Variants in PMEPA1 observed in about 807,000 individuals in gnomAD.
The protein encoded by PMEPA1 is protein TMEPAI.
PMEPA1 carries 11 observed loss-of-function variants against 23.0 expected under a neutral mutation model. The observed-to-expected ratio is 0.48, with a 90% CI of 0.30 to 0.79. PMEPA1 has a LOEUF of 0.79. Ranked by LOEUF, PMEPA1 falls within the 30% of genes least tolerant of loss-of-function variation. PMEPA1 has a pLI of 0.06. For missense variants in PMEPA1, 377 were observed against 390.9 expected, an observed-to-expected ratio of 0.96 and a Z score of 0.30; for synonymous variants, 204 against 166.4, an observed-to-expected ratio of 1.23 and a Z score of -1.74.
At chr20:57,665,142 T>A (rs1242328865) in intron 1 of PMEPA1, among the ~76,000 whole-genome samples, 4 of 152,160 alleles carry the variant, frequency 2.6e-5, no homozygotes, top group African/African-American at 9.7e-5. Flanking sequence ...GTAGTCACTG[T>A]AAGTATTGTC....
At chr20:57,676,471 G>T (rs930969437) in intron 1 of PMEPA1, among the ~76,000 whole-genome samples, 1 of 152,256 alleles carries the variant, frequency 6.6e-6, no homozygotes, top group East Asian at 1.9e-4. Flanking sequence ...AGGATGTCAG[G>T]CGCACGTTTA....
chr20:57,686,839 C>G (rs561576063), intron 1 of PMEPA1, among the ~76,000 whole-genome samples: 10 of 152,234 alleles, frequency 6.6e-5, no homozygotes, highest in Non-Finnish European at 1.0e-4. Context: ...AAACCATGGT[C>G]AGGCTTAGGA....
At chr20:57,674,366 C>T (rs1426636535) in intron 1 of PMEPA1, among the ~76,000 whole-genome samples, 2 of 152,242 alleles carry the variant, frequency 1.3e-5, no homozygotes, top group African/African-American at 4.8e-5. Context: ...AGAACCCAAA[C>T]TTGCTGGCCC....
upstream of PMEPA1, chr20:57,710,452 TG>T (rs759888860): frequency 1.2e-5 from 19 of 1,606,766 alleles, no homozygotes; most frequent in East Asian, 4.3e-4. Context: ...GCCCCCAAGA[TG>T]GATCACCCAT....
Position 57,650,239 on chromosome 20 carries a change from G to T in PMEPA1, c.*1814C>A, listed in dbSNP as rs368416248. 4.6e-5 allele frequency: 7 copies of T among 152,210 alleles called. No individual in the cohort carries two copies. The East Asian group carries it at 7.7e-4, about 17-fold the overall frequency. The allele number at this position is 152,210 out of a possible 1,614,324, so 9.4% of individuals were successfully genotyped here. ...ATAAAAAAGTTGCTCACAAACAATA[G>T]TTATTGCCTTTTATATCTTTTATGT... is the stretch of plus-strand genomic sequence containing the variant. On this transcript the variant is annotated 3_prime_UTR_variant, in exon 4 of 4. Coordinates refer to ENST00000341744, the MANE Select transcript of PMEPA1 (RefSeq NM_020182.5).
chr20:57,710,380 C>A, upstream of PMEPA1: 1 of 1,477,094 alleles, frequency 6.8e-7, no homozygotes, highest in Non-Finnish European at 9.2e-7. Context: ...GCTAGCCTAT[C>A]TTCTGAGGAG....
intron 1 of PMEPA1, among the ~76,000 whole-genome samples, chr20:57,669,114 C>T (rs1012619473): frequency 1.3e-5 from 2 of 151,786 alleles, no homozygotes; most frequent in African/African-American, 2.4e-5. Flanking sequence ...AAGGCAGGCA[C>T]GTAATGACTA....
rs1057294657 is a variant in PMEPA1, at chr20:57,683,629, T to C, written c.110-23932A>G. ...CCCTGAAAATACTTCATGTTGATAT[T>C]TCTTCTTAAAGATGCTGTAATTATG... On this transcript the variant is annotated intron_variant, in intron 1 of 3. Transcript: ENST00000341744. The surrounding 1 kb of genome is among the most constrained non-coding windows in gnomAD (Gnocchi z 4.3). Among the ~76,000 whole-genome samples, 1 of 151,646 alleles carries C rather than the reference T, an allele frequency of 6.6e-6. No homozygotes were observed. Among genetic ancestry groups the C allele is most frequent in the Non-Finnish European group, 1.5e-5 (1 of 67,970 alleles).
chr20:57,708,194 A>G (rs538609055), intron 1 of PMEPA1, among the ~76,000 whole-genome samples: 3 of 152,366 alleles, frequency 2.0e-5, no homozygotes, highest in Admixed American at 1.3e-4. Context: ...CACTGCCTTC[A>G]TTCCACAGCG....
rs1294117727 is a variant in PMEPA1 at position 57,704,487 on chromosome 20, C to T, written c.109+4987G>A. On this transcript the variant is annotated intron_variant, in intron 1 of 3. Coordinates refer to ENST00000341744, the MANE Select transcript of PMEPA1 (RefSeq NM_020182.5). The surrounding 1 kb of genome is among the most constrained non-coding windows in gnomAD (Gnocchi z 4.6). ...AAAAATGGGCCCTCGGCTTCAATCT[C>T]CTTCTCTCAGCATGTGCACCGTACA... Among the ~76,000 whole-genome samples, 1 of 152,206 alleles carries T rather than the reference C, an allele frequency of 6.6e-6. No individual in the cohort carries two copies. Among genetic ancestry groups the T allele is most frequent in the Non-Finnish European group, 1.5e-5 (1 of 68,042 alleles).
In PMEPA1 at chr20:57,652,301, A is replaced by T; in HGVS notation, c.616T>A (p.Cys206Ser). 6.2e-7 allele frequency: 1 copy of T among 1,610,666 alleles called. No individual in the cohort carries two copies. The highest frequency in any genetic ancestry group is 8.5e-7 in the Non-Finnish European group (1 of 1,179,714). Residue 206 changes from cysteine to serine, a missense_variant, in exon 4 of 4, where the codon TGC becomes AGC. Cys to Ser is a moderately radical substitution (Grantham distance 112). This residue lies in a region of PMEPA1 where 176 missense variants were observed against 173.0 expected (regional missense o/e 1.02). Coordinates refer to ENST00000341744, the MANE Select transcript of PMEPA1 (RefSeq NM_020182.5). The surrounding 1 kb of genome is among the most constrained non-coding windows in gnomAD (Gnocchi z 6.1). Reference sequence around the variant, plus strand: ...ATGCCCGAGTTACTGCTGGGGGGGCAGGGGCCGCCCAGCCTGGCACTATCC... The same window carrying T: ...ATGCCCGAGTTACTGCTGGGGGGGCTGGGGCCGCCCAGCCTGGCACTATCC... ...LMDSARLGGP[C>S]PPSSNSGISA...
intron 1 of PMEPA1, among the ~76,000 whole-genome samples, chr20:57,707,545 T>C (rs545328206): frequency 6.6e-6 from 1 of 152,070 alleles, no homozygotes; most frequent in South Asian, 2.1e-4. Context: ...CGGGGCAAAG[T>C]GCAGAGGGCG....
chr20:57,681,816 C>T (rs1272795489), intron 1 of PMEPA1, among the ~76,000 whole-genome samples: 1 of 152,172 alleles, frequency 6.6e-6, no homozygotes, highest in East Asian at 1.9e-4. Flanking sequence ...ATGGCCACCA[C>T]ACCTAGCTTA....
At chr20:57,689,182 C>T (rs2071842544) in intron 1 of PMEPA1, among the ~76,000 whole-genome samples, 1 of 152,194 alleles carries the variant, frequency 6.6e-6, no homozygotes, top group African/African-American at 2.4e-5. Context: ...TGGTCACTCG[C>T]TGGGCAGGCG....
intron 1 of PMEPA1, among the ~76,000 whole-genome samples, chr20:57,686,642 C>T (rs969466154): frequency 1.3e-5 from 2 of 152,278 alleles, no homozygotes; most frequent in African/African-American, 4.8e-5. Flanking sequence ...AACACGGCAT[C>T]CACCGGCCTC....
At chr20:57,698,452 A>G (rs1002336886) in intron 1 of PMEPA1, among the ~76,000 whole-genome samples, 1 of 152,248 alleles carries the variant, frequency 6.6e-6, no homozygotes, top group African/African-American at 2.4e-5. Context: ...ACGAGGAGGC[A>G]TAGACACCAA....
At chr20:57,675,641 T>C (rs1395327921) in intron 1 of PMEPA1, among the ~76,000 whole-genome samples, 2 of 152,116 alleles carry the variant, frequency 1.3e-5, no homozygotes, top group African/African-American at 4.8e-5. Flanking sequence ...CCTGAATGGA[T>C]TGCCGGGCCC....
chr20:57,707,555 G>A (rs368111512), intron 1 of PMEPA1, among the ~76,000 whole-genome samples: 148 of 152,242 alleles, frequency 9.7e-4, no homozygotes, highest in African/African-American at 3.4e-3. Flanking sequence ...TGCAGAGGGC[G>A]GCGGCAAGGC....
Position 57,652,399 on chromosome 20 carries a change from T to A in PMEPA1, c.518A>T (p.Glu173Val). Residue 173 changes from glutamate (E) to valine (V), a missense_variant, in exon 4 of 4, where the codon GAG becomes GTG. Physicochemically the swap from Glu to Val is moderately radical, Grantham distance 121. Coordinates refer to ENST00000341744, the MANE Select transcript of PMEPA1 (RefSeq NM_020182.5). The surrounding 1 kb of genome is among the most constrained non-coding windows in gnomAD (Gnocchi z 6.1). ...GPCTLQLRDP[E>V]QQLELNRESV... ...CTCCCGGTTCAGTTCCAGCTGCTGC[T>A]CGGGGTCCCGAAGCTGGAGGGTGCA... 6.2e-7 allele frequency: 1 copy of A among 1,613,762 alleles called. No homozygotes were observed. The highest frequency in any genetic ancestry group is 8.5e-7 in the Non-Finnish European group (1 of 1,179,906).
Sources: allele counts gnomAD v4.1 joint callset (sites outside exome capture counted in the v4.1 genomes callset), GRCh38; gene constraint gnomAD v4.1.1; regional missense constraint gnomAD v4.1.1; non-coding constraint Gnocchi (gnomAD v3.1); transcripts MANE v1.5; gene names NCBI Gene and HGNC (gene_info 2026-07-23, HGNC 2026-07-21).